ZNF385D: variants seen among roughly 807,000 people sequenced by gnomAD.
The protein encoded by ZNF385D is zinc finger protein 385D, also known as zinc finger protein 659.
Under a neutral mutation model 35.8 loss-of-function variants are expected in ZNF385D, and 15 were observed. That is an observed-to-expected ratio of 0.42 (90% CI 0.28 to 0.64). The LOEUF (loss-of-function observed/expected upper bound fraction) is 0.64, where lower values mean the gene tolerates loss of function less well. Ranked by LOEUF, ZNF385D falls within the 30% of genes least tolerant of loss-of-function variation. The pLI is 0.23. For missense variants in ZNF385D, 474 were observed against 494.6 expected, an observed-to-expected ratio of 0.96 and a Z score of 0.39; for synonymous variants, 212 against 186.8, an observed-to-expected ratio of 1.13 and a Z score of -1.10.
At chr3:21,548,146 C>T (rs1444133252) in intron 3 of ZNF385D, among the ~76,000 whole-genome samples, 2 of 152,126 alleles carry the variant, frequency 1.3e-5, no homozygotes, top group Non-Finnish European at 2.9e-5. Context: ...TAAAACCCTG[C>T]TTTACTCACC....
At chr3:21,657,521 T>C (rs1409108123) in intron 2 of ZNF385D, among the ~76,000 whole-genome samples, 2 of 151,934 alleles carry the variant, frequency 1.3e-5, no homozygotes, top group Non-Finnish European at 2.9e-5. Context: ...AGCAGCTGTT[T>C]CTTAAGAAGC....
intron 3 of ZNF385D, among the ~76,000 whole-genome samples, chr3:22,129,446 A>G (rs1703643776): frequency 6.6e-6 from 1 of 152,118 alleles, no homozygotes; most frequent in Non-Finnish European, 1.5e-5. Context: ...AGGTGGGTCT[A>G]AAAATGCCCT....
chr3:22,130,383 A>T (rs1401677623), intron 3 of ZNF385D, among the ~76,000 whole-genome samples: 1 of 152,056 alleles, frequency 6.6e-6, no homozygotes, highest in Non-Finnish European at 1.5e-5. Flanking sequence ...AATTAATTAC[A>T]ATCCTTGTGG....
intron 3 of ZNF385D, among the ~76,000 whole-genome samples, chr3:21,515,837 A>G (rs1707522636): frequency 6.6e-6 from 1 of 152,236 alleles, no homozygotes; most frequent in African/African-American, 2.4e-5. Context: ...TCCTGCTAAA[A>G]TGTAGGCTTA....
chr3:21,539,680 T>C lies in ZNF385D; in HGVS notation c.276+24894A>G, dbSNP rs2062125226. On this transcript the variant is annotated intron_variant, in intron 3 of 7. Transcript: ENST00000281523. This position sits in a 1 kb window ranked among gnomAD's most constrained non-coding sequence, Gnocchi z 4.0. ...CTTTATGGAATACACAAAGAATATA[T>C]TAAATGTTTTTAAAAATCATATATT... 6.6e-6 allele frequency among the ~76,000 whole-genome samples: 1 copy of C among 152,076 alleles called. No individual in the cohort carries two copies. Among genetic ancestry groups the C allele is most frequent in the African/African-American group, 2.4e-5 (1 of 41,466 alleles).
intron 2 of ZNF385D, among the ~76,000 whole-genome samples, chr3:22,171,535 G>A (rs2125762357): frequency 6.6e-6 from 1 of 152,110 alleles, no homozygotes; most frequent in Non-Finnish European, 1.5e-5. Context: ...TGACACTAAG[G>A]AAAAAAGAGA....
chr3:21,854,370 G>A (rs1284808377), intron 3 of ZNF385D, among the ~76,000 whole-genome samples: 1 of 151,848 alleles, frequency 6.6e-6, no homozygotes, highest in African/African-American at 2.4e-5. Flanking sequence ...GAGCTCATAT[G>A]CCACTTATTC....
intron 3 of ZNF385D, among the ~76,000 whole-genome samples, chr3:21,989,108 C>T (rs895647424): frequency 1.3e-5 from 2 of 152,128 alleles, no homozygotes; most frequent in Non-Finnish European, 2.9e-5. Context: ...AGAAATCACC[C>T]GTCTTCTGCG....
chr3:21,465,180 C>T lies in ZNF385D; in HGVS notation c.440-27977G>A, dbSNP rs1407334555. Among the ~76,000 whole-genome samples, 1 of 152,110 alleles carries T rather than the reference C, an allele frequency of 6.6e-6. No individual in the cohort carries two copies. Among genetic ancestry groups the T allele is most frequent in the Non-Finnish European group, 1.5e-5 (1 of 68,030 alleles). On this transcript the variant is annotated intron_variant, in intron 4 of 7. Coordinates refer to ENST00000281523, the MANE Select transcript of ZNF385D (RefSeq NM_024697.3). This position sits in a 1 kb window ranked among gnomAD's most constrained non-coding sequence, Gnocchi z 4.2. ...TAAGTTTTCACTGTGCCCTTGAACA[C>T]AGTGAAAATTTACATATTTTCACTT... is the stretch of plus-strand genomic sequence containing the variant.
At position 21,947,630 on chromosome 3, in the gene ZNF385D, G is replaced by A. The variant is rs1462501855; in HGVS notation, c.325+221187C>T. On this transcript the variant is annotated intron_variant, in intron 3 of 5. Coordinates refer to the ZNF385D transcript ENST00000494108. ...CTCCCAGAGTGCTGGGATTCCAGGC[G>A]TGAGCCACCGCGCCCGGCTATAAGT... is the stretch of plus-strand genomic sequence containing the variant. Among the ~76,000 whole-genome samples, 6 of 152,204 alleles carry A rather than the reference G, an allele frequency of 3.9e-5. No individual in the cohort carries two copies. The East Asian group carries it at 9.6e-4, about 24-fold the overall frequency.
At position 22,178,558 on chromosome 3, in the gene ZNF385D, T is replaced by C. The variant is rs548770579; in HGVS notation, c.107-9523A>G. On this transcript the variant is annotated intron_variant, in intron 2 of 5. Coordinates refer to the ZNF385D transcript ENST00000494108. ...GCCTGTTCACTCTGATGGTAGTTTC[T>C]TTTGCTGTGCAGAAGCTCTTTAGTT... Among the ~76,000 whole-genome samples, 3 of 152,322 alleles carry C rather than the reference T, an allele frequency of 2.0e-5. No individual in the cohort carries two copies. The South Asian group carries it at 6.2e-4, about 32-fold the overall frequency.
intron 2 of ZNF385D, among the ~76,000 whole-genome samples, chr3:22,328,033 T>G (rs1056676413): frequency 2.0e-5 from 3 of 152,232 alleles, no homozygotes; most frequent in African/African-American, 7.2e-5. Flanking sequence ...ATTTTCTATT[T>G]GTTTTTCATT....
chr3:22,207,652 C>A (rs558324970), intron 2 of ZNF385D, among the ~76,000 whole-genome samples: 1 of 151,790 alleles, frequency 6.6e-6, no homozygotes, highest in Non-Finnish European at 1.5e-5. Flanking sequence ...AGTGAAGAGA[C>A]AATCAACAGA....
At chr3:22,035,752 T>C (rs1484119120) in intron 3 of ZNF385D, among the ~76,000 whole-genome samples, 3 of 152,150 alleles carry the variant, frequency 2.0e-5, no homozygotes, top group Non-Finnish European at 4.4e-5. Flanking sequence ...TAAGGGGCTG[T>C]GGTTCATTCT....
At chr3:21,454,715 C>T (rs1185145682) in intron 4 of ZNF385D, among the ~76,000 whole-genome samples, 3 of 152,138 alleles carry the variant, frequency 2.0e-5, no homozygotes, top group Admixed American at 6.5e-5. Flanking sequence ...TCCTATTCAA[C>T]ATAGTGTTGG....
chr3:21,805,630 G>A (rs2072607369), intron 3 of ZNF385D, among the ~76,000 whole-genome samples: 1 of 152,168 alleles, frequency 6.6e-6, no homozygotes, highest in South Asian at 2.1e-4. Flanking sequence ...AAAAAGCAGA[G>A]CAGTCTTTGA....
intron 3 of ZNF385D, among the ~76,000 whole-genome samples, chr3:21,988,715 C>T (rs1019723530): frequency 6.6e-6 from 1 of 151,800 alleles, no homozygotes; most frequent in Non-Finnish European, 1.5e-5. Context: ...AGCTTCCTGG[C>T]TGCTTTGTTT....
intron 2 of ZNF385D, among the ~76,000 whole-genome samples, chr3:22,287,171 G>T (rs115135796): frequency 6.6e-6 from 1 of 151,746 alleles, no homozygotes; most frequent in South Asian, 2.1e-4. Context: ...TAAAGCTTAC[G>T]TTGTCTAATA....
At chr3:21,554,290 A>G (rs1443146991) in intron 3 of ZNF385D, among the ~76,000 whole-genome samples, 2 of 152,208 alleles carry the variant, frequency 1.3e-5, no homozygotes, top group Non-Finnish European at 2.9e-5. Flanking sequence ...CATCTCTATC[A>G]GAGCTCTCGG....
Sources: allele counts gnomAD v4.1 joint callset (sites outside exome capture counted in the v4.1 genomes callset), GRCh38; gene constraint gnomAD v4.1.1; non-coding constraint Gnocchi (gnomAD v3.1); transcripts MANE v1.5; gene names NCBI Gene and HGNC (gene_info 2026-07-23, HGNC 2026-07-21).